INPP5F: variants seen among roughly 807,000 people sequenced by gnomAD.
INPP5F encodes the protein phosphatidylinositide 4-phosphatase SAC2.
INPP5F carries 97 observed loss-of-function variants against 137.2 expected under a neutral mutation model. The ratio of observed to expected loss-of-function variants is 0.71; its 90% confidence interval spans 0.60 to 0.84. The LOEUF (loss-of-function observed/expected upper bound fraction) is 0.84. Ranked by LOEUF, INPP5F falls within the 40% of genes least tolerant of loss-of-function variation. INPP5F has a pLI of 0.00. For synonymous variants in INPP5F, 504 were observed against 476.9 expected, an observed-to-expected ratio of 1.06 and a Z score of -0.74; for missense variants, 1,271 against 1,371.9, an observed-to-expected ratio of 0.93 and a Z score of 1.16.
intron 1 of INPP5F, among the ~76,000 whole-genome samples, chr10:119,728,343 G>A (rs549626732): frequency 9.8e-5 from 15 of 152,312 alleles, no homozygotes; most frequent in Admixed American, 4.6e-4. Flanking sequence ...CAGGACTGAA[G>A]ATCCTTTCTA....
At chr10:119,766,843 C>G (rs1849180335) in intron 2 of INPP5F, among the ~76,000 whole-genome samples, 1 of 152,046 alleles carries the variant, frequency 6.6e-6, no homozygotes, top group Non-Finnish European at 1.5e-5. Flanking sequence ...GTGGCTCATA[C>G]CTGTAATCCC....
intron 15 of INPP5F, among the ~76,000 whole-genome samples, chr10:119,817,871 C>T (rs1244011560): frequency 6.6e-6 from 1 of 152,192 alleles, no homozygotes; most frequent in Non-Finnish European, 1.5e-5. Context: ...GTCTTGTTGA[C>T]AAAATTAATG....
intron 3 of INPP5F, among the ~76,000 whole-genome samples, chr10:119,790,908 C>T (rs150062260): frequency 1.3e-5 from 2 of 152,324 alleles, no homozygotes; most frequent in African/African-American, 4.8e-5. Context: ...GTCAGCTGTG[C>T]GGCACTTCTC....
chr10:119,785,724 T>C lies in INPP5F; in HGVS notation c.315+3953T>C, dbSNP rs556112991. Among the ~76,000 whole-genome samples the C allele has an allele frequency of 7.2e-4, 110 of 152,066 alleles. 1 individual carries two copies. The South Asian group carries it at 0.023, about 32-fold the overall frequency. On this transcript the variant is annotated intron_variant, in intron 3 of 19. Coordinates refer to ENST00000650623, the MANE Select transcript of INPP5F (RefSeq NM_014937.4). ...AAATTTAAAAATTAGCTGGGCATAT[T>C]TGTGTGTACCTGTAGTCACAGGTAC...
At chr10:119,776,911 CAG>C (rs751848391) in intron 2 of INPP5F, among the ~76,000 whole-genome samples, 4 of 151,986 alleles carry the variant, frequency 2.6e-5, no homozygotes, top group Non-Finnish European at 4.4e-5. Context: ...CCACCATGCC[CAG>C]ATAACTTGTG....
intron 2 of INPP5F, among the ~76,000 whole-genome samples, chr10:119,776,871 C>T (rs1043939014): frequency 6.6e-6 from 1 of 152,050 alleles, no homozygotes; most frequent in Non-Finnish European, 1.5e-5. Context: ...CCACCTCAGC[C>T]TCCTGAGTAG....
rs1851607581 is a variant in INPP5F at position 119,822,497 on chromosome 10, T to G, written c.2025T>G (p.Ile675Met). The G allele has an allele frequency of 6.8e-7, 1 of 1,478,072 alleles. No homozygotes were observed. The highest frequency in any genetic ancestry group is 9.3e-7 in the Non-Finnish European group (1 of 1,073,520). The allele number at this position is 1,478,072 out of a possible 1,614,324, so 91.6% of individuals were successfully genotyped here. The change falls in exon 17 of 20, where the codon ATT becomes ATG. Residue 675 changes from isoleucine (I) to methionine (M), a missense_variant. Ile to Met is a conservative substitution (Grantham distance 10). Around this residue, in one of 6 missense-constraint regions of INPP5F, gnomAD observed 593 missense variants for 712.4 expected, o/e 0.83. Transcript: ENST00000650623. The part of the protein sequence containing the change: ...QRLSLENLEK[I>M]EIGPEPTLFG... Reference sequence around the variant, plus strand: ...TAAGTCTAGAAAACCTGGAAAAAATTGAAATAGGTAAGTTTTAACATACTA... The same window carrying G: ...TAAGTCTAGAAAACCTGGAAAAAATGGAAATAGGTAAGTTTTAACATACTA...
At chr10:119,726,402 G>A (rs1847890840) in intron 1 of INPP5F, 43 bp downstream of exon 1, 7 of 1,135,602 alleles carry the variant, frequency 6.2e-6, no homozygotes, top group East Asian at 3.6e-5. Flanking sequence ...GGGCCAGGGC[G>A]GGGAGAGGAG....
At position 119,742,512 on chromosome 10, in the gene INPP5F, A is replaced by G. The variant is rs1385433600; in HGVS notation, c.98-8564A>G. 3.3e-5 allele frequency among the ~76,000 whole-genome samples: 5 copies of G among 152,312 alleles called. No individual in the cohort carries two copies. In the East Asian group the frequency reaches 7.7e-4, roughly 24 times the overall value. On this transcript the variant is annotated intron_variant, in intron 1 of 19. Transcript: ENST00000650623. ...GAAGGTCTTGGCCCTGGGCAAGGAT[A>G]GTAGCAGTAGGGGTCAAGAGAAGTG...
chr10:119,826,560 T>TA, intron 19 of INPP5F, 71 bp from the exon 20 acceptor site: 1 of 1,226,628 alleles, frequency 8.2e-7, no homozygotes, highest in African/African-American at 1.5e-5. Context: ...CTGTTTTCAC[T>TA]TATGTTAATA....
In INPP5F at chr10:119,808,078, G is replaced by T; in HGVS notation, c.1569+18G>T. The T allele has an allele frequency of 6.2e-7, 1 of 1,606,064 alleles. No individual in the cohort carries two copies. The highest frequency in any genetic ancestry group is 8.5e-7 in the Non-Finnish European group (1 of 1,177,004). On this transcript the variant is annotated intron_variant, in intron 13 of 19. Transcript: ENST00000650623. Reference sequence around the variant, plus strand: ...CTCTGAAGGTAAATACTTGCAGGAAGCATCTGTGGGTCATTATGTAGGACA... The same window carrying T: ...CTCTGAAGGTAAATACTTGCAGGAATCATCTGTGGGTCATTATGTAGGACA...
Position 119,827,737 on chromosome 10 carries a change from A to G in INPP5F, c.3356A>G (p.Lys1119Arg), listed in dbSNP as rs1242224517. 6 of 1,613,678 alleles carry G rather than the reference A, an allele frequency of 3.7e-6. 1 individual carries two copies. The Middle Eastern group carries it at 8.2e-4, about 222-fold the overall frequency. The change falls in exon 20 of 20, where the codon AAA becomes AGA. Residue 1119 changes from lysine to arginine, a missense_variant. Transcript: ENST00000650623. The part of the protein sequence containing the change: ...IINQVQQNEL[K>R]KMFIQCQTRI... Reference sequence around the variant, plus strand: ...AATCAAGTCCAGCAAAATGAACTTAAAAAGATGTTTATACAATGCCAGACA... The same window carrying G: ...AATCAAGTCCAGCAAAATGAACTTAGAAAGATGTTTATACAATGCCAGACA...
In INPP5F at chr10:119,808,012, T is replaced by C. The variant is rs760701640; in HGVS notation, c.1521T>C (p.Asn507=). 5.0e-6 allele frequency: 8 copies of C among 1,614,072 alleles called. No individual in the cohort carries two copies. The highest frequency in any genetic ancestry group is 3.3e-4 in the Middle Eastern group (2 of 6,062). ...GCATCTACCAGATAATGTGGGCCAATAATGGTGACTCCATTAGCAGACAGT... is the reference window on the plus strand; with the variant it reads ...GCATCTACCAGATAATGTGGGCCAACAATGGTGACTCCATTAGCAGACAGT... ...CNRIYQIMWA[N]NGDSISRQYA... is the part of the protein sequence containing the mutation. Residue 507 remains asparagine, a synonymous_variant, in exon 13 of 20, where the codon AAT becomes AAC. Coordinates refer to ENST00000650623, the MANE Select transcript of INPP5F (RefSeq NM_014937.4).
intron 15 of INPP5F, chr10:119,819,218 C>CTTT (rs869037124): frequency 0.024 from 689 of 28,572 alleles, 38 homozygotes; most frequent in Admixed American, 0.036. Context: ...ATTGAACGTG[C>CTTT]TTTTTTTTTT....
chr10:119,791,643 AAAGT>A lies in INPP5F; in HGVS notation c.444+2_444+5del, dbSNP rs781648000. 8.1e-6 allele frequency: 13 copies of A among 1,601,152 alleles called. No individual in the cohort carries two copies. The highest frequency in any genetic ancestry group is 1.7e-4 in the Middle Eastern group (1 of 5,848). ...CAATGTGTCTGCTCCTAATAAAAAG[AAAGT>A]AAGAGTTTAATTGATATAGGCTTTG... is the stretch of plus-strand genomic sequence containing the variant. On this transcript the variant is annotated splice_donor_variant and coding_sequence_variant, in exon 4 of 20. Coordinates refer to ENST00000650623, the MANE Select transcript of INPP5F (RefSeq NM_014937.4). LOFTEE classifies it high-confidence loss of function.
intron 6 of INPP5F, among the ~76,000 whole-genome samples, chr10:119,795,057 CGGCTGGCCGGGCGGGG>C (rs1850305029): frequency 7.6e-6 from 1 of 130,962 alleles, no homozygotes; most frequent in Non-Finnish European, 1.7e-5. Flanking sequence ...CCGGATGGGG[CGGCTGGCCGGGCGGGG>C]GGCTGACCCC....
chr10:119,820,441 G>A lies in INPP5F; in HGVS notation c.1887-405G>A, dbSNP rs530048383. 2.0e-5 allele frequency among the ~76,000 whole-genome samples: 3 copies of A among 152,320 alleles called. No homozygotes were observed. The South Asian group carries it at 6.2e-4, about 32-fold the overall frequency. On this transcript the variant is annotated intron_variant, in intron 15 of 19. Transcript: ENST00000650623. ...TGTAAAGATATCCTGAATGTATAGT[G>A]TGTTATTTTGAAGATTAGATAATGT...
At chr10:119,771,838 GTA>G (rs2134161266) in intron 2 of INPP5F, among the ~76,000 whole-genome samples, 1 of 89,290 alleles carries the variant, frequency 1.1e-5, no homozygotes, top group East Asian at 3.5e-4. Context: ...ACTCCATAAA[GTA>G]TGGAGATATA....
rs75237935 is a variant in INPP5F at position 119,743,986 on chromosome 10, C to T, written c.98-7090C>T. On this transcript the variant is annotated intron_variant, in intron 1 of 19. Transcript: ENST00000650623. ...TAAAAAGTAAGACCTCTCTCAAAAA[C>T]TAACAGGTGAAGCAGTCAGAAAAAT... 4.2e-3 allele frequency among the ~76,000 whole-genome samples: 636 copies of T among 152,250 alleles called. 4 individuals are homozygous for T. Among genetic ancestry groups the T allele is most frequent in the African/African-American group, 0.014 (597 of 41,544 alleles).
Sources: allele counts gnomAD v4.1 joint callset (sites outside exome capture counted in the v4.1 genomes callset), GRCh38; gene constraint gnomAD v4.1.1; regional missense constraint gnomAD v4.1.1; transcripts MANE v1.5; gene names NCBI Gene and HGNC (gene_info 2026-07-23, HGNC 2026-07-21).